The following CDH13 variants were observed in gnomAD, a reference collection of about 807,000 sequenced individuals.
CDH13 encodes cadherin-13.
In CDH13, 24 loss-of-function variants were observed where a neutral mutation model predicts 63.8. The observed-to-expected ratio is 0.38, with a 90% CI of 0.27 to 0.53. CDH13 has a LOEUF of 0.53. Among genes scored for constraint, CDH13 ranks in the 20% least tolerant of loss-of-function variants. CDH13 has a pLI of 0.85. For synonymous variants in CDH13, 503 were observed against 355.3 expected (o/e 1.42, Z -4.67); for missense variants, 1,049 against 903.1 (o/e 1.16, Z -2.07).
At chr16:82,899,927 G>A (rs1354415722) in intron 2 of CDH13, among the ~76,000 whole-genome samples, 1 of 152,156 alleles carries the variant, frequency 6.6e-6, no homozygotes, top group African/African-American at 2.4e-5. Flanking sequence ...GATTACGAGG[G>A]CAGAGCAGTT....
chr16:83,550,269 C>T (rs1371385873), intron 7 of CDH13, among the ~76,000 whole-genome samples: 1 of 152,196 alleles, frequency 6.6e-6, no homozygotes, highest in African/African-American at 2.4e-5. Flanking sequence ...AGTTTGAAGC[C>T]AGGGTGAACT....
chr16:82,634,397 T>C (rs982985925), intron 1 of CDH13, among the ~76,000 whole-genome samples: 2 of 152,188 alleles, frequency 1.3e-5, no homozygotes, highest in Admixed American at 6.5e-5. Flanking sequence ...CTGATTGCTG[T>C]AGGGCCTGCG....
At chr16:82,975,775 C>A (rs1293745240) in intron 2 of CDH13, among the ~76,000 whole-genome samples, 1 of 152,038 alleles carries the variant, frequency 6.6e-6, no homozygotes, top group Non-Finnish European at 1.5e-5. Context: ...ATGCAAAGGC[C>A]TTTATATATT....
At chr16:82,786,035 G>A (rs2039459226) in intron 1 of CDH13, among the ~76,000 whole-genome samples, 1 of 152,114 alleles carries the variant, frequency 6.6e-6, no homozygotes, top group Non-Finnish European at 1.5e-5. Flanking sequence ...ATGATGGAGT[G>A]AGTGCTTTGG....
At chr16:83,710,017 G>T (rs569344013) in intron 10 of CDH13, among the ~76,000 whole-genome samples, 1 of 152,332 alleles carries the variant, frequency 6.6e-6, no homozygotes, top group East Asian at 1.9e-4. Flanking sequence ...ATACTAGAAA[G>T]GTGGTGATCT....
At chr16:83,576,088 C>T (rs1418371754) in intron 7 of CDH13, among the ~76,000 whole-genome samples, 2 of 152,230 alleles carry the variant, frequency 1.3e-5, no homozygotes, top group African/African-American at 4.8e-5. Context: ...GCATCCACCA[C>T]CTCCAGCTGG....
chr16:83,041,587 G>T (rs1203262102), intron 3 of CDH13, among the ~76,000 whole-genome samples: 1 of 152,086 alleles, frequency 6.6e-6, no homozygotes, highest in Admixed American at 6.6e-5. Flanking sequence ...AGAATCTCAG[G>T]AATTATTTGG....
intron 1 of CDH13, among the ~76,000 whole-genome samples, chr16:82,708,463 C>G (rs1267376769): frequency 2.6e-5 from 4 of 152,192 alleles, no homozygotes; most frequent in African/African-American, 9.7e-5. Flanking sequence ...CTCTCCATCT[C>G]TCACACTTTC....
At chr16:82,927,172 A>T (rs987287713) in intron 2 of CDH13, among the ~76,000 whole-genome samples, 3 of 152,148 alleles carry the variant, frequency 2.0e-5, no homozygotes, top group African/African-American at 7.2e-5. Context: ...GCCAAGAGTG[A>T]GCATCCCAAG....
At position 83,746,651 on chromosome 16, in the gene CDH13, C is replaced by G. The variant is rs80305481; in HGVS notation, c.1539-1457C>G. ...TCTGGCCATACAAGGCAGAGAAAAT[C>G]AACTTCATGCATCTTTACCAGTGTA... On this transcript the variant is annotated intron_variant, in intron 10 of 13. Transcript: ENST00000567109. 6.3e-3 allele frequency among the ~76,000 whole-genome samples: 955 copies of G among 150,484 alleles called. 9 individuals carry two copies. The highest frequency in any genetic ancestry group is 0.022 in the African/African-American group (928 of 41,454).
intron 1 of CDH13, among the ~76,000 whole-genome samples, chr16:82,793,210 G>A (rs1048038359): frequency 2.0e-5 from 3 of 152,252 alleles, no homozygotes; most frequent in Non-Finnish European, 2.9e-5. Flanking sequence ...TTAGTAATGA[G>A]CATTTGCAAG....
chr16:82,684,473 A>C (rs1001880508), intron 1 of CDH13, among the ~76,000 whole-genome samples: 4 of 152,172 alleles, frequency 2.6e-5, no homozygotes, highest in Admixed American at 6.5e-5. Context: ...AGTATGCTGT[A>C]GTCAATTAGT....
intron 1 of CDH13, among the ~76,000 whole-genome samples, chr16:82,821,477 G>A (rs1379826901): frequency 5.3e-5 from 8 of 152,212 alleles, no homozygotes; most frequent in Admixed American, 2.0e-4. Flanking sequence ...GGCTCTAGAT[G>A]CAAGAGATCT....
intron 7 of CDH13, among the ~76,000 whole-genome samples, chr16:83,602,110 A>AC (rs1907881760): frequency 3.8e-5 from 1 of 26,292 alleles, no homozygotes; most frequent in African/African-American, 2.4e-4. Flanking sequence ...ACAACAACAA[A>AC]AAAAAAAAAA....
In CDH13 at chr16:83,379,938, T is replaced by TATATATATAGAGAGAG; in HGVS notation, c.781+34933_781+34934insTATATATAGAGAGAGA. The stretch of plus-strand genomic sequence containing the variant: ...GTGTGTGTATATATATATATATATA[T>TATATATATAGAGAGAG]AGAGAGAGAGAGAGAGAGAGAGAGA... On this transcript the variant is annotated intron_variant, in intron 6 of 13. Transcript: ENST00000567109. Among the ~76,000 whole-genome samples the TATATATATAGAGAGAG allele has an allele frequency of 2.7e-3, 334 of 123,436 alleles. 2 individuals are homozygous for TATATATATAGAGAGAG. The highest frequency in any genetic ancestry group is 4.2e-3 in the Non-Finnish European group (259 of 61,130). The allele number at this position is 123,436 out of a possible 152,430, so 81.0% of individuals were successfully genotyped here. A position where few individuals can be genotyped will look rare whatever the true frequency, so the allele number is the denominator to read the frequency against.
intron 4 of CDH13, among the ~76,000 whole-genome samples, chr16:83,162,000 G>C (rs1211189044): frequency 2.0e-5 from 3 of 152,124 alleles, no homozygotes. Context: ...CTACTTTCCT[G>C]GTTCTAATTC....
At chr16:83,767,190 C>T (rs1003148061) in intron 11 of CDH13, among the ~76,000 whole-genome samples, 1 of 152,196 alleles carries the variant, frequency 6.6e-6, no homozygotes, top group Admixed American at 6.5e-5. Context: ...ACATGTATAT[C>T]TAGTCCTTTG....
chr16:83,524,334 C>A (rs553303209), intron 7 of CDH13, among the ~76,000 whole-genome samples: 9 of 151,980 alleles, frequency 5.9e-5, no homozygotes, highest in African/African-American at 2.2e-4. Context: ...AAATGTATAA[C>A]CACATTATTA....
chr16:83,399,801 A>AC lies in CDH13; in HGVS notation c.781+54801dup, dbSNP rs1054036618. Among the ~76,000 whole-genome samples the AC allele has an allele frequency of 6.8e-4, 103 of 151,682 alleles. 1 individual carries two copies. The highest frequency in any genetic ancestry group is 1.8e-4 in the Non-Finnish European group (12 of 67,880). On this transcript the variant is annotated intron_variant, in intron 6 of 13. Coordinates refer to ENST00000567109, the MANE Select transcript of CDH13 (RefSeq NM_001257.5). ...TCCTTTGCTTTGTCCTCACCATTTTACCCCCCGCCGCATTTAGCACAGTGC... is the reference window on the plus strand; with the variant it reads ...TCCTTTGCTTTGTCCTCACCATTTTACCCCCCCGCCGCATTTAGCACAGTGC...
Sources: allele counts gnomAD v4.1 joint callset (sites outside exome capture counted in the v4.1 genomes callset), GRCh38; gene constraint gnomAD v4.1.1; transcripts MANE v1.5; gene names NCBI Gene and HGNC (gene_info 2026-07-23, HGNC 2026-07-21).